SHBG: variants seen among roughly 807,000 people sequenced by gnomAD.
SHBG encodes the protein sex hormone binding globulin, also known as sex hormone-binding globulin.
In SHBG, 37 loss-of-function variants were observed where a neutral mutation model predicts 41.9. That is an observed-to-expected ratio of 0.88 (90% CI 0.68 to 1.16). The LOEUF is 1.16. SHBG is among the 50% of genes most tolerant of loss of function. The probability of loss-of-function intolerance (pLI) is 0.00; values close to 1 mark genes in which losing one functional copy is unlikely to be tolerated. For missense variants in SHBG, 466 were observed against 499.9 expected, an observed-to-expected ratio of 0.93 and a Z score of 0.65; for synonymous variants, 217 against 205.8, an observed-to-expected ratio of 1.05 and a Z score of -0.47.
At position 7,633,342 on chromosome 17, in the gene SHBG, C is replaced by G. The variant is rs1481811419; in HGVS notation, c.1199C>G (p.Ala400Gly). 6.2e-7 allele frequency: 1 copy of G among 1,613,914 alleles called. No individual in the cohort carries two copies. Among genetic ancestry groups the G allele is most frequent in the Non-Finnish European group, 8.5e-7 (1 of 1,179,978 alleles). Residue 400 changes from alanine (A) to glycine (G), a missense_variant, in exon 8 of 8, where the codon GCT (alanine) becomes GGT (glycine). By Grantham distance (60) the Ala-to-Gly change is moderately conservative (BLOSUM62 0). Transcript: ENST00000380450. ...CPQSPGNGTDASH is the reference protein window; with the variant it reads ...CPQSPGNGTDGSH The stretch of plus-strand genomic sequence containing the variant: ...CAGAGCCCAGGCAATGGCACTGACG[C>G]TTCCCATTAAAGCTCCACCTAAGAA...
At chr17:7,615,287 C>T (rs944258243) in intron 1 of SHBG, among the ~76,000 whole-genome samples, 2 of 152,088 alleles carry the variant, frequency 1.3e-5, no homozygotes, top group African/African-American at 4.8e-5. Context: ...TGCGCCTGAA[C>T]GACTGCTTGG....
rs536555065 is a variant in SHBG at position 7,618,107 on chromosome 17, T to C, written c.-62+3996T>C. On this transcript the variant is annotated intron_variant, in intron 1 of 5. Transcript: ENST00000570547. The stretch of plus-strand genomic sequence containing the variant: ...GGTAGCGTGTGCCTGTAATCCCAAC[T>C]ACTCAGGAAGCTGAGGGAGGAGAAT... Among the ~76,000 whole-genome samples, 8 of 151,978 alleles carry C rather than the reference T, an allele frequency of 5.3e-5. 1 individual carries two copies. Among genetic ancestry groups the C allele is most frequent in the African/African-American group, 1.9e-4 (8 of 41,478 alleles).
chr17:7,631,564 G>GT, intron 4 of SHBG, 25 bp from the exon 5 acceptor site: 7 of 1,613,456 alleles, frequency 4.3e-6, no homozygotes, highest in Non-Finnish European at 5.9e-6. Flanking sequence ...CTACATCCCC[G>GT]TATCTTATCT....
upstream of SHBG, chr17:7,626,734 G>C: frequency 6.2e-7 from 1 of 1,613,868 alleles, no homozygotes; most frequent in Non-Finnish European, 8.5e-7. Context: ...CTCACTTGTC[G>C]CCCCACCCAT....
intron 6 of SHBG, 113 bp from the exon 7 acceptor site, chr17:7,632,639 G>A (rs2072454818): frequency 1.2e-6 from 1 of 836,762 alleles, no homozygotes; most frequent in South Asian, 1.4e-5. Flanking sequence ...TGGCCAGTAG[G>A]TGGAGGCATA....
At chr17:7,619,935 A>G (rs2072060544) in intron 1 of SHBG, among the ~76,000 whole-genome samples, 1 of 150,902 alleles carries the variant, frequency 6.6e-6, no homozygotes, top group Admixed American at 6.6e-5. Context: ...CCTCAACCTT[A>G]AGAAGTAAGG....
chr17:7,615,797 G>A (rs567008045), intron 1 of SHBG, among the ~76,000 whole-genome samples: 23 of 148,490 alleles, frequency 1.5e-4, no homozygotes, highest in African/African-American at 5.2e-4. Flanking sequence ...TCGCACCATT[G>A]CACTCCAGCC....
chr17:7,626,945 C>A, upstream of SHBG: 1 of 1,613,540 alleles, frequency 6.2e-7, no homozygotes, highest in Non-Finnish European at 8.5e-7. Context: ...CCCAGTACCC[C>A]GATATTCCGG....
upstream of SHBG, chr17:7,628,138 C>T (rs758541388): frequency 5.0e-5 from 23 of 459,384 alleles, no homozygotes; most frequent in South Asian, 2.0e-4. Flanking sequence ...CTCACTCACC[C>T]GCCCAGACCC....
chr17:7,614,253 G>C, intron 1 of SHBG: 2 of 685,254 alleles, frequency 2.9e-6, no homozygotes, highest in South Asian at 1.5e-5. Context: ...GCAGGTGCAG[G>C]TGCCTTAGAG....
upstream of SHBG, among the ~76,000 whole-genome samples, chr17:7,629,589 G>A (rs974000913): frequency 6.6e-6 from 1 of 152,046 alleles, no homozygotes; most frequent in African/African-American, 2.4e-5. Flanking sequence ...AAAGACTGGG[G>A]GAGGAGTTCA....
rs369645503 is a variant in SHBG at position 7,631,274 on chromosome 17, C to T, written c.468C>T (p.Val156=). The T allele has an allele frequency of 1.2e-6, 2 of 1,612,744 alleles. No individual in the cohort carries two copies. Among genetic ancestry groups the T allele is most frequent in the South Asian group, 1.1e-5 (1 of 90,794 alleles). The change falls in exon 4 of 8, where the codon GTC becomes GTT. Residue 156 remains valine (V), a synonymous_variant. Coordinates refer to ENST00000380450, the MANE Select transcript of SHBG (RefSeq NM_001040.5). ...AGGAGGTGCTGCGCCTGAGACAGGT[C>T]TCTGGGCCCCTGACCAGCAAACGCC... ...DGEEVLRLRQ[V]SGPLTSKRHP... is the part of the protein sequence containing the mutation.
chr17:7,615,655 C>T (rs1370114198), intron 1 of SHBG, among the ~76,000 whole-genome samples: 1 of 135,016 alleles, frequency 7.4e-6, no homozygotes, highest in Admixed American at 7.5e-5. Flanking sequence ...CCACCCCCCC[C>T]CCCACCCCGC....
intron 1 of SHBG, among the ~76,000 whole-genome samples, chr17:7,622,548 C>T (rs1434847181): frequency 6.6e-6 from 1 of 151,278 alleles, no homozygotes; most frequent in African/African-American, 2.4e-5. Flanking sequence ...GCTGGGATTA[C>T]AGGCGTGAGC....
upstream of SHBG, chr17:7,627,558 T>G: frequency 6.2e-7 from 1 of 1,608,842 alleles, no homozygotes; most frequent in African/African-American, 1.3e-5. The surrounding 1 kb of genome is among the most constrained non-coding windows in gnomAD (Gnocchi z 4.8). Flanking sequence ...GTTACCGGCC[T>G]GCAGTCTTCA....
At chr17:7,630,063 C>A (rs1237214665), upstream of SHBG, 12 of 907,668 alleles carry the variant, frequency 1.3e-5, no homozygotes, top group Non-Finnish European at 1.8e-5. This position sits in a 1 kb window ranked among gnomAD's most constrained non-coding sequence, Gnocchi z 4.6. Context: ...TTTCCTTTAC[C>A]CCCTCCTCCC....
chr17:7,629,020 C>T (rs1019997827), upstream of SHBG, among the ~76,000 whole-genome samples: 1 of 151,978 alleles, frequency 6.6e-6, no homozygotes, highest in Admixed American at 6.6e-5. Flanking sequence ...CGTGCCATTG[C>T]ACTCCAGCCT....
upstream of SHBG, among the ~76,000 whole-genome samples, chr17:7,623,022 G>T (rs886973141): frequency 7.5e-5 from 11 of 145,858 alleles, no homozygotes; most frequent in African/African-American, 2.3e-4. Flanking sequence ...AGGCGAAAGA[G>T]CGAGACTCCG....
At chr17:7,626,855 G>A, upstream of SHBG, 2 of 1,607,862 alleles carry the variant, frequency 1.2e-6, no homozygotes, top group Non-Finnish European at 8.5e-7. Context: ...ATCAGAAAAT[G>A]ACACCGGCTG....
Sources: allele counts gnomAD v4.1 joint callset (sites outside exome capture counted in the v4.1 genomes callset), GRCh38; gene constraint gnomAD v4.1.1; non-coding constraint Gnocchi (gnomAD v3.1); transcripts MANE v1.5; gene names NCBI Gene and HGNC (gene_info 2026-07-23, HGNC 2026-07-21).